The following SYK variants were observed in gnomAD, a reference collection of about 807,000 sequenced individuals.
SYK encodes the protein spleen associated tyrosine kinase.
A neutral mutation model predicts 77.8 loss-of-function variants in SYK; 16 were observed. The ratio of observed to expected loss-of-function variants is 0.21; its 90% confidence interval spans 0.14 to 0.31. The LOEUF (loss-of-function observed/expected upper bound fraction) is 0.31. SYK is among the 10% of genes least tolerant of loss of function. The pLI is 1.00. For missense variants in SYK, 529 were observed against 814.4 expected, an observed-to-expected ratio of 0.65 and a Z score of 4.26; for synonymous variants, 312 against 308.7, an observed-to-expected ratio of 1.01 and a Z score of -0.11.
At chr9:90,850,828 G>A (rs1826793758) in intron 3 of SYK, among the ~76,000 whole-genome samples, 1 of 150,984 alleles carries the variant, frequency 6.6e-6, no homozygotes, top group Non-Finnish European at 1.5e-5. Flanking sequence ...ATCACAAAAT[G>A]CCTTTGCTCA....
intron 1 of SYK, among the ~76,000 whole-genome samples, chr9:90,825,618 G>GT (rs36034626): frequency 6.6e-5 from 10 of 152,208 alleles, no homozygotes; most frequent in African/African-American, 2.4e-4. Context: ...TGGGGACAGG[G>GT]ACATGTTTAT....
At chr9:90,822,925 T>C (rs909675796) in intron 1 of SYK, among the ~76,000 whole-genome samples, 2 of 152,208 alleles carry the variant, frequency 1.3e-5, no homozygotes, top group Non-Finnish European at 2.9e-5. Context: ...CACTAGGTTC[T>C]TATTGTGAAG....
At chr9:90,875,235 C>CAAA (rs200459011) in intron 9 of SYK, among the ~76,000 whole-genome samples, 10 of 149,516 alleles carry the variant, frequency 6.7e-5, no homozygotes, top group South Asian at 2.1e-4. Context: ...CCTGTCTCTA[C>CAAA]AAAAAAAATA....
chr9:90,838,773 G>A (rs1217611814), intron 1 of SYK, among the ~76,000 whole-genome samples: 1 of 152,218 alleles, frequency 6.6e-6, no homozygotes, highest in Non-Finnish European at 1.5e-5. Context: ...AACACTATTT[G>A]GAAGAAAATG....
At chr9:90,864,777 G>T in intron 5 of SYK, 110 bp downstream of exon 5, 1 of 926,144 alleles carries the variant, frequency 1.1e-6, no homozygotes, top group African/African-American at 1.7e-5. Context: ...TTCTTTTTAC[G>T]GGTTGATTAA....
intron 3 of SYK, among the ~76,000 whole-genome samples, chr9:90,846,545 C>A (rs574636561): frequency 6.6e-6 from 1 of 152,310 alleles, no homozygotes; most frequent in Non-Finnish European, 1.5e-5. Flanking sequence ...GTGGCACGCA[C>A]CTGTAGTCCC....
chr9:90,870,529 CT>C (rs1444891695), intron 7 of SYK, among the ~76,000 whole-genome samples: 2 of 152,192 alleles, frequency 1.3e-5, no homozygotes, highest in East Asian at 3.8e-4. Context: ...TACCCTGTTG[CT>C]TGGTAATGCC....
At chr9:90,860,941 G>A (rs1827231752) in intron 3 of SYK, among the ~76,000 whole-genome samples, 1 of 152,046 alleles carries the variant, frequency 6.6e-6, no homozygotes, top group Non-Finnish European at 1.5e-5. Context: ...CAAGTACAGT[G>A]CATTTGGGCA....
intron 13 of SYK, among the ~76,000 whole-genome samples, chr9:90,890,195 G>A (rs973410815): frequency 7.9e-5 from 12 of 152,204 alleles, no homozygotes; most frequent in African/African-American, 2.7e-4. Flanking sequence ...GCAGCCAGGG[G>A]CACCACCTCC....
At chr9:90,813,548 AG>A (rs1202018061) in intron 1 of SYK, among the ~76,000 whole-genome samples, 2 of 152,156 alleles carry the variant, frequency 1.3e-5, no homozygotes, top group Admixed American at 6.5e-5. Flanking sequence ...GGGGGCTGGT[AG>A]TACCCCATCT....
intron 3 of SYK, among the ~76,000 whole-genome samples, chr9:90,858,742 G>A (rs371651632): frequency 5.6e-4 from 85 of 152,362 alleles, no homozygotes; most frequent in African/African-American, 1.9e-3. Context: ...GGTTAATGTC[G>A]CGAGCCTTCT....
At chr9:90,885,976 T>C (rs1436622701) in intron 11 of SYK, among the ~76,000 whole-genome samples, 2 of 152,160 alleles carry the variant, frequency 1.3e-5, no homozygotes, top group Admixed American at 6.5e-5. Context: ...CTTTCCCAGG[T>C]AAGCAAACAC....
intron 1 of SYK, among the ~76,000 whole-genome samples, chr9:90,827,842 C>T (rs187283814): frequency 1.2e-4 from 18 of 152,310 alleles, no homozygotes; most frequent in Admixed American, 1.1e-3. Flanking sequence ...TTGCTTTAAG[C>T]ATTGAGTATA....
At chr9:90,830,961 C>G (rs888920508) in intron 1 of SYK, among the ~76,000 whole-genome samples, 2 of 152,172 alleles carry the variant, frequency 1.3e-5, no homozygotes, top group African/African-American at 4.8e-5. Context: ...CAGCTTCAAG[C>G]TGCAGAGGAA....
chr9:90,819,529 G>A (rs1326720826), intron 1 of SYK, among the ~76,000 whole-genome samples: 1 of 152,170 alleles, frequency 6.6e-6, no homozygotes, highest in Non-Finnish European at 1.5e-5. Flanking sequence ...GAGAAAATGA[G>A]GAAGAAGCAG....
chr9:90,876,266 A>C (rs1251611121), intron 9 of SYK, among the ~76,000 whole-genome samples: 2 of 150,450 alleles, frequency 1.3e-5, no homozygotes, highest in Non-Finnish European at 2.9e-5. Flanking sequence ...CAGCCTGGGC[A>C]ACAAGAGTGA....
intron 1 of SYK, among the ~76,000 whole-genome samples, chr9:90,830,671 C>T (rs189489089): frequency 4.2e-4 from 64 of 151,458 alleles, no homozygotes; most frequent in Admixed American, 8.6e-4. Flanking sequence ...CTGCAAACTC[C>T]GCCTCCCAGG....
At chr9:90,815,159 AAAG>A (rs1825243921) in intron 1 of SYK, among the ~76,000 whole-genome samples, 1 of 152,214 alleles carries the variant, frequency 6.6e-6, no homozygotes, top group Non-Finnish European at 1.5e-5. Flanking sequence ...TCCATTTTGA[AAAG>A]AAGATGTAGA....
At chr9:90,832,572 T>C (rs1187330023) in intron 1 of SYK, among the ~76,000 whole-genome samples, 1 of 152,200 alleles carries the variant, frequency 6.6e-6, no homozygotes, top group Non-Finnish European at 1.5e-5. Context: ...CTAACCTCTA[T>C]TTTAGCTCCA....
Sources: allele counts gnomAD v4.1 joint callset (sites outside exome capture counted in the v4.1 genomes callset), GRCh38; gene constraint gnomAD v4.1.1; transcripts MANE v1.5; gene names NCBI Gene and HGNC (gene_info 2026-07-23, HGNC 2026-07-21).